Variants in OSBPL10 observed in about 807,000 individuals in gnomAD.
OSBPL10 encodes oxysterol-binding protein-related protein 10.
In OSBPL10, 49 loss-of-function variants were observed where a neutral mutation model predicts 81.7. The observed-to-expected ratio is 0.60, with a 90% CI of 0.48 to 0.76. The LOEUF (loss-of-function observed/expected upper bound fraction) is 0.76, where lower values mean the gene tolerates loss of function less well. Among genes scored for constraint, OSBPL10 ranks in the 30% least tolerant of loss-of-function variants. The pLI is 0.00. For missense variants in OSBPL10, 923 were observed against 987.8 expected, an observed-to-expected ratio of 0.93 and a Z score of 0.88; for synonymous variants, 419 against 383.6, an observed-to-expected ratio of 1.09 and a Z score of -1.08.
intron 1 of OSBPL10, among the ~76,000 whole-genome samples, chr3:31,929,976 G>A (rs1697191250): frequency 7.5e-6 from 1 of 134,002 alleles, no homozygotes. Context: ...TCCAGCCTGG[G>A]TGATCAAGTG....
intron 8 of OSBPL10, among the ~76,000 whole-genome samples, chr3:31,671,338 G>C (rs900859820): frequency 3.4e-4 from 52 of 152,198 alleles, no homozygotes; most frequent in African/African-American, 1.2e-3. Context: ...GTTTCCTTAA[G>C]AAAATGAACA....
chr3:31,869,617 G>GAT (rs1216952668), intron 3 of OSBPL10, among the ~76,000 whole-genome samples: 2 of 152,158 alleles, frequency 1.3e-5, no homozygotes, highest in African/African-American at 4.8e-5. Context: ...GGCTCAAGGG[G>GAT]ATGGGGGTGA....
intron 3 of OSBPL10, among the ~76,000 whole-genome samples, chr3:31,874,365 AAT>A (rs1701399547): frequency 6.6e-6 from 1 of 152,184 alleles, no homozygotes; most frequent in African/African-American, 2.4e-5. Context: ...CAAAAATAAA[AAT>A]ACTCATAAAC....
chr3:32,057,781 G>A (rs28758490), intron 1 of OSBPL10, among the ~76,000 whole-genome samples: 3,383 of 152,222 alleles, frequency 0.022, 118 homozygotes, highest in African/African-American at 0.073. Context: ...TGGATTGTTT[G>A]CTGCCTCAGA....
chr3:31,980,005 TATTTATTTA>T (rs780126800), intron 1 of OSBPL10, among the ~76,000 whole-genome samples: 151 of 151,256 alleles, frequency 1.0e-3, no homozygotes, highest in Middle Eastern at 6.8e-3. Context: ...TATTTTATTT[TATTTATTTA>T]TTTTTTTTGA....
intron 4 of OSBPL10, among the ~76,000 whole-genome samples, chr3:31,793,435 T>G (rs559874714): frequency 6.6e-6 from 1 of 152,364 alleles, no homozygotes; most frequent in African/African-American, 2.4e-5. Context: ...TAGATAAAAT[T>G]TAATTAGCAG....
chr3:31,678,771 A>T (rs1317962615), intron 8 of OSBPL10, among the ~76,000 whole-genome samples: 2 of 140,538 alleles, frequency 1.4e-5, no homozygotes, highest in Non-Finnish European at 3.1e-5. Context: ...CTGACTAATC[A>T]CAGATTCAAA....
chr3:32,055,191 C>CTTTTTTTTTTTT (rs139735770), intron 1 of OSBPL10, among the ~76,000 whole-genome samples: 1 of 58,300 alleles, frequency 1.7e-5, no homozygotes, highest in Non-Finnish European at 2.9e-5. Flanking sequence ...CTATTTATAG[C>CTTTTTTTTTTTT]TTTTTTTTTT....
chr3:31,828,972 A>C (rs569452023), intron 4 of OSBPL10, among the ~76,000 whole-genome samples: 3 of 152,316 alleles, frequency 2.0e-5, no homozygotes, highest in African/African-American at 7.2e-5. Context: ...TCAAGAAAAA[A>C]AAATTGTCTT....
chr3:31,808,200 T>C (rs1163234668), intron 4 of OSBPL10, among the ~76,000 whole-genome samples: 1 of 152,112 alleles, frequency 6.6e-6, no homozygotes, highest in African/African-American at 2.4e-5. Context: ...ATTTTACTCC[T>C]GTCATCCCAG....
intron 1 of OSBPL10, among the ~76,000 whole-genome samples, chr3:32,056,196 A>G (rs1267738846): frequency 6.6e-6 from 1 of 152,178 alleles, no homozygotes; most frequent in Non-Finnish European, 1.5e-5. Flanking sequence ...CGGTCTTATC[A>G]GTTGTTTTTG....
intron 1 of OSBPL10, among the ~76,000 whole-genome samples, chr3:31,895,705 GC>G (rs751600999): frequency 2.0e-5 from 3 of 152,268 alleles, no homozygotes; most frequent in African/African-American, 7.2e-5. Flanking sequence ...AATGCTTACT[GC>G]TCCCACAAAT....
intron 2 of OSBPL10, chr3:31,990,954 T>C (rs1402605271): frequency 6.3e-7 from 1 of 1,575,208 alleles, no homozygotes; most frequent in Non-Finnish European, 8.6e-7. Flanking sequence ...ACAAATGTCA[T>C]AAGCGTGGCA....
chr3:31,878,224 G>C (rs768206288), intron 2 of OSBPL10, among the ~76,000 whole-genome samples: 2 of 152,134 alleles, frequency 1.3e-5, no homozygotes, highest in Non-Finnish European at 2.9e-5. Flanking sequence ...AAAACAAGAT[G>C]GCTCAATTGT....
intron 1 of OSBPL10, among the ~76,000 whole-genome samples, chr3:32,050,070 A>C (rs1179199433): frequency 1.3e-5 from 2 of 152,196 alleles, no homozygotes; most frequent in Non-Finnish European, 2.9e-5. Flanking sequence ...CAGCAGCAAA[A>C]ACTGGATGAA....
chr3:31,823,792 A>G lies in OSBPL10; in HGVS notation c.729+6248T>C, dbSNP rs937784296. Among the ~76,000 whole-genome samples, 60 of 151,994 alleles carry G rather than the reference A, an allele frequency of 3.9e-4. 1 individual carries two copies. The highest frequency in any genetic ancestry group is 1.4e-3 in the African/African-American group (59 of 41,362). On this transcript the variant is annotated intron_variant, in intron 4 of 11. Transcript: ENST00000396556. Reference sequence around the variant, plus strand: ...GCACATCTCCATTCATACTGTGCACATTTCGAAGCTCATTTTGACTAGGCC... The same window carrying G: ...GCACATCTCCATTCATACTGTGCACGTTTCGAAGCTCATTTTGACTAGGCC...
intron 3 of OSBPL10, among the ~76,000 whole-genome samples, chr3:31,866,002 G>C (rs1701169386): frequency 6.6e-6 from 1 of 152,150 alleles, no homozygotes; most frequent in Non-Finnish European, 1.5e-5. Context: ...AGATGTCACT[G>C]GGTTAATCTT....
intron 7 of OSBPL10, among the ~76,000 whole-genome samples, chr3:31,694,739 A>T (rs1695663266): frequency 6.6e-6 from 1 of 152,070 alleles, no homozygotes; most frequent in Admixed American, 6.6e-5. Flanking sequence ...TCAAAGCATA[A>T]ATCTTTTGTT....
At chr3:31,897,498 A>G (rs889374825) in intron 1 of OSBPL10, among the ~76,000 whole-genome samples, 8 of 152,230 alleles carry the variant, frequency 5.3e-5, no homozygotes, top group Admixed American at 1.3e-4. Flanking sequence ...CCAAGTATTC[A>G]CCACAATTAA....
Sources: gnomAD v4.1 joint callset for allele counts (sites outside exome capture counted in the v4.1 genomes callset) on GRCh38, gnomAD v4.1.1 for gene constraint, MANE v1.5 for transcripts, NCBI Gene and HGNC (gene_info 2026-07-23, HGNC 2026-07-21) for gene names.